Variants in PTPRD observed in about 807,000 individuals in gnomAD.
PTPRD encodes protein tyrosine phosphatase receptor type D, also known as receptor-type tyrosine-protein phosphatase delta.
PTPRD carries 34 observed loss-of-function variants against 214.5 expected under a neutral mutation model. The observed-to-expected ratio is 0.16, with a 90% CI of 0.12 to 0.21. The LOEUF (loss-of-function observed/expected upper bound fraction) is 0.21, where lower values mean the gene tolerates loss of function less well. Among genes scored for constraint, PTPRD ranks in the 10% least tolerant of loss-of-function variants. The pLI is 1.00. For missense variants in PTPRD, 2,545 were observed against 2,398.7 expected, an observed-to-expected ratio of 1.06 and a Z score of -1.27; for synonymous variants, 1,128 against 845.7, an observed-to-expected ratio of 1.33 and a Z score of -5.79.
chr9:9,764,817 C>G (rs1442619304), intron 6 of PTPRD, among the ~76,000 whole-genome samples: 1 of 152,130 alleles, frequency 6.6e-6, no homozygotes, highest in South Asian at 2.1e-4. Flanking sequence ...CACGATCCCC[C>G]CAACTGCCTC....
chr9:8,769,328 C>T (rs539472755), intron 11 of PTPRD, among the ~76,000 whole-genome samples: 1 of 152,118 alleles, frequency 6.6e-6, no homozygotes, highest in African/African-American at 2.4e-5. Flanking sequence ...AACACTAGTA[C>T]TGAGAACTAA....
intron 3 of PTPRD, among the ~76,000 whole-genome samples, chr9:10,194,151 G>C (rs557681252): frequency 3.3e-5 from 5 of 151,970 alleles, no homozygotes; most frequent in African/African-American, 1.2e-4. Flanking sequence ...TCAATACTTA[G>C]CTTATCATTG....
chr9:8,821,644 G>T (rs150679073), intron 11 of PTPRD, among the ~76,000 whole-genome samples: 1 of 152,172 alleles, frequency 6.6e-6, no homozygotes, highest in Non-Finnish European at 1.5e-5. Context: ...TTTCTAAGTA[G>T]AAATAACAAC....
chr9:9,040,592 T>C (rs1284752297), intron 10 of PTPRD, among the ~76,000 whole-genome samples: 1 of 151,710 alleles, frequency 6.6e-6, no homozygotes, highest in Non-Finnish European at 1.5e-5. Flanking sequence ...TTTTTTTTCA[T>C]AACTGGTTTT....
intron 7 of PTPRD, among the ~76,000 whole-genome samples, chr9:9,648,205 A>G (rs2096246000): frequency 6.6e-6 from 1 of 151,948 alleles, no homozygotes; most frequent in Admixed American, 6.6e-5. Flanking sequence ...CTATGTATAA[A>G]TCTTATATAG....
intron 14 of PTPRD, among the ~76,000 whole-genome samples, chr9:8,560,561 T>A (rs927331958): frequency 2.0e-5 from 3 of 152,062 alleles, no homozygotes; most frequent in African/African-American, 7.2e-5. Context: ...TATAGATGAG[T>A]ATCCAGCTAT....
At chr9:9,870,257 A>G (rs937130209) in intron 5 of PTPRD, among the ~76,000 whole-genome samples, 11 of 152,068 alleles carry the variant, frequency 7.2e-5, no homozygotes, top group Non-Finnish European at 1.2e-4. Context: ...TTAAAATTCA[A>G]AGAATCTTGA....
chr9:8,393,414 G>C (rs1489279238), intron 36 of PTPRD, among the ~76,000 whole-genome samples: 1 of 152,128 alleles, frequency 6.6e-6, no homozygotes, highest in East Asian at 1.9e-4. Context: ...AACAGTGCTT[G>C]ATTTGTTTTT....
At chr9:10,025,236 C>T (rs1206673174) in intron 4 of PTPRD, among the ~76,000 whole-genome samples, 2 of 152,142 alleles carry the variant, frequency 1.3e-5, no homozygotes, top group Non-Finnish European at 2.9e-5. Context: ...AACTACTTTA[C>T]AGTCCCACCA....
At chr9:10,275,855 G>T (rs562509740) in intron 3 of PTPRD, among the ~76,000 whole-genome samples, 2 of 152,166 alleles carry the variant, frequency 1.3e-5, no homozygotes, top group African/African-American at 4.8e-5. Context: ...AAAAATCCCT[G>T]AGGGACATGA....
intron 11 of PTPRD, among the ~76,000 whole-genome samples, chr9:8,892,686 A>AGT (rs201259072): frequency 1.3e-5 from 1 of 74,156 alleles, no homozygotes; most frequent in African/African-American, 4.4e-5. Context: ...TATATATATG[A>AGT]GTGTATATAT....
intron 7 of PTPRD, among the ~76,000 whole-genome samples, chr9:9,637,538 C>T (rs1198689537): frequency 6.6e-6 from 1 of 152,206 alleles, no homozygotes; most frequent in Non-Finnish European, 1.5e-5. Context: ...ATTTACACAC[C>T]TTCCTGGTAC....
chr9:8,497,617 T>C (rs1010359929), intron 25 of PTPRD, among the ~76,000 whole-genome samples: 12 of 152,214 alleles, frequency 7.9e-5, no homozygotes, highest in Non-Finnish European at 1.6e-4. Flanking sequence ...AGTCACTATT[T>C]AGATTAATAT....
intron 9 of PTPRD, among the ~76,000 whole-genome samples, chr9:9,240,711 G>T (rs1389957556): frequency 1.3e-5 from 2 of 152,060 alleles, no homozygotes; most frequent in African/African-American, 4.8e-5. Context: ...TACAGGTATG[G>T]TAGTAATACG....
At chr9:10,485,410 T>C (rs2099126191) in intron 2 of PTPRD, among the ~76,000 whole-genome samples, 1 of 152,120 alleles carries the variant, frequency 6.6e-6, no homozygotes, top group African/African-American at 2.4e-5. Context: ...GTCATTGGCA[T>C]TTTGACAGGA....
intron 4 of PTPRD, among the ~76,000 whole-genome samples, chr9:9,946,379 C>T (rs556315782): frequency 1.3e-5 from 2 of 152,234 alleles, no homozygotes; most frequent in South Asian, 4.1e-4. Context: ...CTGAAAACAT[C>T]TAGCTTAGTG....
intron 3 of PTPRD, among the ~76,000 whole-genome samples, chr9:10,151,189 T>C (rs563611655): frequency 7.5e-5 from 11 of 146,546 alleles, no homozygotes; most frequent in Non-Finnish European, 1.2e-4. Context: ...GCCTCCCGAG[T>C]AGCTGGGATT....
chr9:10,321,220 A>G (rs919723394), intron 3 of PTPRD, among the ~76,000 whole-genome samples: 1 of 152,088 alleles, frequency 6.6e-6, no homozygotes, highest in East Asian at 1.9e-4. Flanking sequence ...AAAAAAAACA[A>G]TGAGAACTGC....
chr9:8,737,901 G>A (rs1156923803), intron 11 of PTPRD, among the ~76,000 whole-genome samples: 3 of 152,120 alleles, frequency 2.0e-5, no homozygotes, highest in South Asian at 2.1e-4. Context: ...CGCTCGCCTC[G>A]GCCTCCCAAC....
Sources: allele counts gnomAD v4.1 joint callset (sites outside exome capture counted in the v4.1 genomes callset), GRCh38; gene constraint gnomAD v4.1.1; transcripts MANE v1.5; gene names NCBI Gene and HGNC (gene_info 2026-07-23, HGNC 2026-07-21).